The following WDR37 variants were observed in gnomAD, a reference collection of about 807,000 sequenced individuals.
The protein encoded by WDR37 is WD repeat domain 37, also known as WD repeat-containing protein 37.
WDR37 carries 19 observed loss-of-function variants against 62.9 expected under a neutral mutation model. The observed-to-expected ratio is 0.30, with a 90% CI of 0.21 to 0.44. The LOEUF (loss-of-function observed/expected upper bound fraction) is 0.44. Among genes scored for constraint, WDR37 ranks in the 20% least tolerant of loss-of-function variants. WDR37 has a pLI of 1.00. For synonymous variants in WDR37, 250 were observed against 260.9 expected, an observed-to-expected ratio of 0.96 and a Z score of 0.40; for missense variants, 474 against 657.6, an observed-to-expected ratio of 0.72 and a Z score of 3.05.
In WDR37 at chr10:1,077,988, A is replaced by G. The variant is rs763316185; in HGVS notation, c.220A>G (p.Ile74Val). The G allele has an allele frequency of 6.2e-7, 1 of 1,609,664 alleles. No individual in the cohort carries two copies. ...AGAAAGAGAATTTGAAAACCTTTATATCGAAAACTTAGAATGTGAGTATCT... is the reference window on the plus strand; with the variant it reads ...AGAAAGAGAATTTGAAAACCTTTATGTCGAAAACTTAGAATGTGAGTATCT... Reference protein sequence around the residue: ...QIEREFENLYIENLELRREID... With the variant: ...QIEREFENLYVENLELRREID... Residue 74 changes from isoleucine to valine, a missense_variant, in exon 3 of 14, where the codon ATC (isoleucine) becomes GTC (valine). Ile to Val is a conservative substitution (Grantham distance 29). Transcript: ENST00000263150.
intron 5 of WDR37, among the ~76,000 whole-genome samples, chr10:1,082,169 A>G (rs1834047310): frequency 6.6e-6 from 1 of 152,250 alleles, no homozygotes; most frequent in Admixed American, 6.5e-5. Flanking sequence ...GATTCGTACT[A>G]CAGTGTGGAT....
intron 11 of WDR37, among the ~76,000 whole-genome samples, chr10:1,122,337 C>T (rs779082534): frequency 1.1e-4 from 17 of 152,262 alleles, no homozygotes; most frequent in African/African-American, 2.6e-4. Context: ...CGGGGTGAGG[C>T]GGGTTTTGAG....
intron 10 of WDR37, among the ~76,000 whole-genome samples, chr10:1,104,120 A>G (rs1834909117): frequency 6.6e-6 from 1 of 152,208 alleles, no homozygotes; most frequent in Admixed American, 6.5e-5. Context: ...CCACAATCTT[A>G]GTGTCTTAAA....
At chr10:1,092,254 C>A (rs1834420765) in intron 7 of WDR37, among the ~76,000 whole-genome samples, 1 of 151,618 alleles carries the variant, frequency 6.6e-6, no homozygotes, top group Non-Finnish European at 1.5e-5. Flanking sequence ...CGCCTGTAAT[C>A]CCAGCACTTT....
intron 2 of WDR37, among the ~76,000 whole-genome samples, chr10:1,076,083 A>T (rs1442558139): frequency 6.6e-6 from 1 of 152,032 alleles, no homozygotes; most frequent in East Asian, 1.9e-4. Context: ...CCTGGCTGGG[A>T]TGTCCTTTTT....
chr10:1,124,324 A>G lies in WDR37; in HGVS notation c.1210A>G (p.Thr404Ala), dbSNP rs748274118. The change falls in exon 12 of 14, where the codon ACT (threonine) becomes GCT (alanine). Residue 404 changes from threonine to alanine, a missense_variant. Physicochemically the swap from Thr to Ala is moderately conservative, Grantham distance 58 (BLOSUM62 0). Transcript: ENST00000263150. ...GAAAAATATGAGATCCCCCATTGCAACTATTCGCACGGACTCTGCCATTAA... is the reference window on the plus strand; with the variant it reads ...GAAAAATATGAGATCCCCCATTGCAGCTATTCGCACGGACTCTGCCATTAA... Reference protein sequence around the residue: ...DLKNMRSPIATIRTDSAINRI... With the variant: ...DLKNMRSPIAAIRTDSAINRI... 13 of 1,614,166 alleles carry G rather than the reference A, an allele frequency of 8.1e-6. No individual in the cohort carries two copies. Among genetic ancestry groups the G allele is most frequent in the Middle Eastern group, 1.6e-4 (1 of 6,062 alleles).
intron 5 of WDR37, 51 bp from the exon 6 acceptor site, chr10:1,084,352 A>AAACAATTTACTGAAG: frequency 6.3e-7 from 1 of 1,590,908 alleles, no homozygotes; most frequent in South Asian, 1.1e-5. Flanking sequence ...CTTGACTTAG[A>AAACAATTTACTGAAG]AAAATTTACT....
chr10:1,074,662 G>C (rs750095415), intron 2 of WDR37, among the ~76,000 whole-genome samples: 1 of 152,214 alleles, frequency 6.6e-6, no homozygotes, highest in Non-Finnish European at 1.5e-5. Flanking sequence ...TGAGGGGGGC[G>C]ATCTCAGAAC....
Position 1,103,602 on chromosome 10 carries a change from A to T in WDR37, c.727A>T (p.Ile243Leu), listed in dbSNP as rs774562393. The stretch of plus-strand genomic sequence containing the variant: ...TTTCTGGCCTTCCCTTTGGCAGCAG[A>T]TATCTGGGGAAGATGAAGTAGAGTG... The part of the protein sequence containing the change: ...PTPQPVADTS[I>L]SGEDEVECSD... Residue 243 changes from isoleucine (I) to leucine (L), a missense_variant and splice_region_variant, in exon 10 of 14, where the codon ATA (isoleucine) becomes TTA (leucine). Coordinates refer to ENST00000263150, the MANE Select transcript of WDR37 (RefSeq NM_014023.4). This position sits in a 1 kb window ranked among gnomAD's most constrained non-coding sequence, Gnocchi z 6.3. 6.2e-7 allele frequency: 1 copy of T among 1,612,934 alleles called. No individual in the cohort carries two copies. Among genetic ancestry groups the T allele is most frequent in the South Asian group, 1.1e-5 (1 of 91,080 alleles).
intron 6 of WDR37, among the ~76,000 whole-genome samples, chr10:1,085,604 G>A (rs746363096): frequency 6.6e-6 from 1 of 152,186 alleles, no homozygotes; most frequent in Non-Finnish European, 1.5e-5. Context: ...CTTGTGAGAC[G>A]TTAATCACTC....
At chr10:1,117,086 A>T (rs1835423907) in intron 11 of WDR37, among the ~76,000 whole-genome samples, 1 of 152,042 alleles carries the variant, frequency 6.6e-6, no homozygotes, top group Non-Finnish European at 1.5e-5. Flanking sequence ...ACAGGGCGTC[A>T]CCCTCTCGCC....
chr10:1,063,853 G>A (rs563063045), intron 1 of WDR37, among the ~76,000 whole-genome samples: 5 of 152,180 alleles, frequency 3.3e-5, no homozygotes, highest in East Asian at 1.9e-4. Flanking sequence ...CCACCTCACC[G>A]TCCACATCCA....
At chr10:1,116,454 G>A (rs749207921) in intron 11 of WDR37, among the ~76,000 whole-genome samples, 29 of 152,320 alleles carry the variant, frequency 1.9e-4, no homozygotes, top group Middle Eastern at 3.4e-3. Context: ...GAGGACACAC[G>A]CTCTTTGTCT....
intron 9 of WDR37, among the ~76,000 whole-genome samples, chr10:1,101,197 C>T (rs1444044510): frequency 3.3e-5 from 5 of 152,202 alleles, no homozygotes; most frequent in Non-Finnish European, 7.3e-5. Context: ...CTGGGGCTGC[C>T]ATAACAAAGT....
Position 1,131,864 on chromosome 10 carries a change from G to T in WDR37, c.*2520G>T, listed in dbSNP as rs1042269378. On this transcript the variant is annotated 3_prime_UTR_variant, in exon 14 of 14. Coordinates refer to ENST00000263150, the MANE Select transcript of WDR37 (RefSeq NM_014023.4). ...GGAAAATGTGTGGTTACTGAAAACTGTATATGATACAGAATTTCATAAGAG... is the reference window on the plus strand; with the variant it reads ...GGAAAATGTGTGGTTACTGAAAACTTTATATGATACAGAATTTCATAAGAG... 1 of 152,564 alleles carries T rather than the reference G, an allele frequency of 6.6e-6. No individual in the cohort carries two copies. Among genetic ancestry groups the T allele is most frequent in the Non-Finnish European group, 1.5e-5 (1 of 68,042 alleles). The allele number at this position is 152,564 out of a possible 1,614,324, so 9.5% of individuals were successfully genotyped here. A position where few individuals can be genotyped will look rare whatever the true frequency, so the allele number is the denominator to read the frequency against.
At chr10:1,057,689 A>T (rs1833235916) in intron 1 of WDR37, among the ~76,000 whole-genome samples, 1 of 152,244 alleles carries the variant, frequency 6.6e-6, no homozygotes, top group Admixed American at 6.5e-5. Context: ...TTGAATAAAT[A>T]CATTTTTCCA....
At chr10:1,087,795 G>T (rs1589095525) in intron 7 of WDR37, among the ~76,000 whole-genome samples, 1 of 152,160 alleles carries the variant, frequency 6.6e-6, no homozygotes, top group Non-Finnish European at 1.5e-5. Context: ...AGCCGCATTC[G>T]CCCCTAACAA....
chr10:1,091,618 G>A lies in WDR37; in HGVS notation c.605-1834G>A, dbSNP rs188438659. 6.9e-4 allele frequency among the ~76,000 whole-genome samples: 105 copies of A among 152,334 alleles called. 1 individual carries two copies. The highest frequency in any genetic ancestry group is 6.7e-3 in the Admixed American group (103 of 15,308). ...GGAAATAAGGGTTGGTGTCCCCAGA[G>A]TGACAGGAGTCAGCTCTTTGCTCTG... On this transcript the variant is annotated intron_variant, in intron 7 of 13. Coordinates refer to ENST00000263150, the MANE Select transcript of WDR37 (RefSeq NM_014023.4).
At chr10:1,104,194 C>T (rs1418899482) in intron 10 of WDR37, among the ~76,000 whole-genome samples, 3 of 152,186 alleles carry the variant, frequency 2.0e-5, no homozygotes, top group Non-Finnish European at 4.4e-5. Flanking sequence ...GGTAGCTGCT[C>T]TTCTCCCTGG....
Sources: allele counts gnomAD v4.1 joint callset (sites outside exome capture counted in the v4.1 genomes callset), GRCh38; gene constraint gnomAD v4.1.1; non-coding constraint Gnocchi (gnomAD v3.1); transcripts MANE v1.5; gene names NCBI Gene and HGNC (gene_info 2026-07-23, HGNC 2026-07-21).